Variants in ANK2 observed in about 807,000 individuals in gnomAD.
ANK2 encodes ankyrin 2, also known as ankyrin-2.
Under a neutral mutation model 360.5 loss-of-function variants are expected in ANK2, and 83 were observed. That is an observed-to-expected ratio of 0.23 (90% confidence interval 0.19 to 0.28). The LOEUF is 0.28. ANK2 is among the 10% of genes least tolerant of loss of function. The pLI is 1.00. For missense variants in ANK2, 4,201 were observed against 4,795.7 expected, an observed-to-expected ratio of 0.88 and a Z score of 3.66; for synonymous variants, 1,740 against 1,759.5, an observed-to-expected ratio of 0.99 and a Z score of 0.28.
intron 4 of ANK2, among the ~76,000 whole-genome samples, chr4:113,223,478 A>G (rs891284866): frequency 6.6e-6 from 1 of 152,222 alleles, no homozygotes; most frequent in African/African-American, 2.4e-5. Context: ...AGAGTATATA[A>G]TACTCTCAGA....
At chr4:113,320,391 C>A (rs964876568) in intron 26 of ANK2, among the ~76,000 whole-genome samples, 2 of 152,184 alleles carry the variant, frequency 1.3e-5, no homozygotes, top group Non-Finnish European at 2.9e-5. Context: ...CAGTGGCTCA[C>A]GCCTATAATC....
intron 1 of ANK2, among the ~76,000 whole-genome samples, chr4:113,167,249 T>C (rs1235251043): frequency 2.0e-5 from 3 of 152,128 alleles, no homozygotes; most frequent in Non-Finnish European, 4.4e-5. Context: ...TTTAGCTAAT[T>C]TTTAAATTTT....
intron 5 of ANK2, 138 bp from the exon 6 acceptor site, chr4:113,236,849 G>T: frequency 1.2e-6 from 1 of 869,106 alleles, no homozygotes. Flanking sequence ...GTTATAATCT[G>T]CTTCTAATCT....
At chr4:113,227,284 C>T (rs993360300) in intron 4 of ANK2, among the ~76,000 whole-genome samples, 2 of 152,176 alleles carry the variant, frequency 1.3e-5, no homozygotes, top group African/African-American at 4.8e-5. Flanking sequence ...GATCTCCCAA[C>T]CAAAGCTTCC....
chr4:112,926,033 G>C (rs1004872035), intron 2 of ANK2, among the ~76,000 whole-genome samples: 6 of 152,152 alleles, frequency 3.9e-5, no homozygotes, highest in South Asian at 4.1e-4. Context: ...GGGCTGAAGT[G>C]GGGGGAACCT....
chr4:113,353,858 C>G lies in ANK2; in HGVS notation c.5240C>G (p.Pro1747Arg), dbSNP rs200628845. ...LGEDPGLAPEPLPTVKATSPL... is the reference protein window; with the variant it reads ...LGEDPGLAPERLPTVKATSPL... ...GAAGACCCAGGTTTAGCCCCTGAAC[C>G]CCTTCCCACTGTCAAGGCCACATCT... Residue 1747 changes from proline to arginine, a missense_variant, in exon 38 of 46, where the codon CCC becomes CGC. Around this residue, in one of 4 missense-constraint regions of ANK2, gnomAD observed 2,642 missense variants for 2,714.5 expected, o/e 0.97. Transcript: ENST00000357077. 187 of 1,613,974 alleles carry G rather than the reference C, an allele frequency of 1.2e-4. 1 individual carries two copies. The Admixed American group carries it at 1.7e-3, about 15-fold the overall frequency.
At chr4:113,018,661 C>T (rs376552871) in intron 2 of ANK2, among the ~76,000 whole-genome samples, 2 of 152,168 alleles carry the variant, frequency 1.3e-5, no homozygotes, top group African/African-American at 2.4e-5. Flanking sequence ...CTCCTATCAT[C>T]CTGCAGAGGC....
intron 1 of ANK2, chr4:112,827,046 C>T: frequency 7.6e-7 from 1 of 1,322,730 alleles, no homozygotes; most frequent in African/African-American, 1.4e-5. Context: ...CATTACAGAA[C>T]TTAACTGTTG....
chr4:113,016,240 A>C (rs1169152117), intron 2 of ANK2, among the ~76,000 whole-genome samples: 2 of 151,924 alleles, frequency 1.3e-5, no homozygotes, highest in Admixed American at 1.3e-4. Context: ...TCATTGGGGG[A>C]AAATAGGCAG....
Position 113,004,131 on chromosome 4 carries a change from A to C in ANK2, c.21+99617A>C, listed in dbSNP as rs578113851. On this transcript the variant is annotated intron_variant, in intron 2 of 30. Coordinates refer to the ANK2 transcript ENST00000503271. ...ATTATTGTACACTAATGTTGACTTC[A>C]CAAACACTGTGCACTTAGGCTACAC... Among the ~76,000 whole-genome samples, 4 of 152,312 alleles carry C rather than the reference A, an allele frequency of 2.6e-5. 1 individual carries two copies. In the South Asian group the frequency reaches 8.3e-4, roughly 32 times the overall value.
intron 2 of ANK2, among the ~76,000 whole-genome samples, chr4:112,935,752 G>C (rs530160790): frequency 1.3e-5 from 2 of 152,252 alleles, no homozygotes; most frequent in Middle Eastern, 3.4e-3. Flanking sequence ...TGAAGCAAAA[G>C]AATTGCTTGA....
chr4:113,169,086 A>G (rs2097853873), intron 1 of ANK2, among the ~76,000 whole-genome samples: 1 of 152,186 alleles, frequency 6.6e-6, no homozygotes, highest in Non-Finnish European at 1.5e-5. Flanking sequence ...TTGATTTATT[A>G]TTGTTATTTT....
chr4:113,097,779 A>T (rs77326650), intron 1 of ANK2, among the ~76,000 whole-genome samples: 2,650 of 151,146 alleles, frequency 0.018, 76 homozygotes, highest in African/African-American at 0.061. Flanking sequence ...AATTTGAGTT[A>T]GCCATTAGCT....
At chr4:113,337,022 C>A (rs1207068498) in intron 31 of ANK2, among the ~76,000 whole-genome samples, 2 of 152,180 alleles carry the variant, frequency 1.3e-5, no homozygotes, top group Non-Finnish European at 2.9e-5. Context: ...TCCACAGTAA[C>A]CCTGTGAGGA....
chr4:112,862,950 T>C lies in ANK2; in HGVS notation c.-39-41505T>C, dbSNP rs970888474. The stretch of plus-strand genomic sequence containing the variant: ...TCAGGAAACTCCAGAGTTTGAATTT[T>C]CCTATAAATGCAGTCTTTATCCATA... On this transcript the variant is annotated intron_variant, in intron 1 of 30. Coordinates refer to the ANK2 transcript ENST00000503271. Among the ~76,000 whole-genome samples the C allele has an allele frequency of 2.0e-4, 31 of 152,182 alleles. 1 individual carries two copies.
rs569006972 is a variant in ANK2, at chr4:112,879,351, A to G, written c.-39-25104A>G. On this transcript the variant is annotated intron_variant, in intron 1 of 30. Transcript: ENST00000503271. ...GCTCTGGAGCCAGCTGCCGTGGTGT[A>G]TGACCTGCACACAGCTCTATGGAGA... Among the ~76,000 whole-genome samples the G allele has an allele frequency of 2.0e-5, 3 of 152,270 alleles. No homozygotes were observed. In the South Asian group the frequency reaches 6.2e-4, roughly 32 times the overall value.
chr4:113,303,782 G>A (rs1488736919), intron 23 of ANK2, among the ~76,000 whole-genome samples: 2 of 152,146 alleles, frequency 1.3e-5, no homozygotes, highest in Non-Finnish European at 2.9e-5. Context: ...GAACATGATT[G>A]AAAAATTACC....
chr4:113,349,995 A>G lies in ANK2; in HGVS notation c.4405-233A>G, dbSNP rs551587597. ...TGGGTCATATCTTCCCAGGATTAAC[A>G]TGCTAGAAAGGACTTTCTACCTGTA... On this transcript the variant is annotated intron_variant, in intron 36 of 45. Coordinates refer to ENST00000357077, the MANE Select transcript of ANK2 (RefSeq NM_001148.6). Among the ~76,000 whole-genome samples the G allele has an allele frequency of 3.3e-5, 5 of 152,208 alleles. No individual in the cohort carries two copies. The East Asian group carries it at 7.7e-4, about 23-fold the overall frequency.
chr4:113,348,163 G>A, intron 35 of ANK2, 113 bp from the exon 36 acceptor site: 3 of 1,019,140 alleles, frequency 2.9e-6, no homozygotes, highest in Non-Finnish European at 4.6e-6. Flanking sequence ...CTGTATGCTT[G>A]CCTGTTGATG....
Sources: gnomAD v4.1 joint callset for allele counts (sites outside exome capture counted in the v4.1 genomes callset) on GRCh38, gnomAD v4.1.1 for gene constraint, gnomAD v4.1.1 regional missense constraint, MANE v1.5 for transcripts, NCBI Gene and HGNC (gene_info 2026-07-23, HGNC 2026-07-21) for gene names.